ANKRD44: variants seen among roughly 807,000 people sequenced by gnomAD.
The protein encoded by ANKRD44 is ankyrin repeat domain 44.
Under a neutral mutation model 116.0 loss-of-function variants are expected in ANKRD44, and 35 were observed. The observed-to-expected ratio is 0.30, with a 90% CI of 0.23 to 0.40. The LOEUF (loss-of-function observed/expected upper bound fraction) is 0.40. Ranked by LOEUF, ANKRD44 falls within the 10% of genes least tolerant of loss-of-function variation. The probability of loss-of-function intolerance (pLI) is 1.00; values close to 1 mark genes in which losing one functional copy is unlikely to be tolerated. For missense variants in ANKRD44, 1,014 were observed against 1,242.6 expected (o/e 0.82, Z 2.77); for synonymous variants, 435 against 461.8 (o/e 0.94, Z 0.74).
chr2:197,131,890 C>T (rs1433717154), intron 4 of ANKRD44, among the ~76,000 whole-genome samples: 1 of 152,200 alleles, frequency 6.6e-6, no homozygotes, highest in Non-Finnish European at 1.5e-5. Flanking sequence ...TTCCTTTCCC[C>T]TACAGTTGCT....
At chr2:197,297,803 A>T (rs538664636) in intron 1 of ANKRD44, among the ~76,000 whole-genome samples, 39 of 152,364 alleles carry the variant, frequency 2.6e-4, no homozygotes, top group African/African-American at 7.2e-4. Context: ...AGAGCTACTT[A>T]AAAAGATTGT....
At chr2:197,231,556 G>A (rs929783477) in intron 1 of ANKRD44, among the ~76,000 whole-genome samples, 5 of 152,020 alleles carry the variant, frequency 3.3e-5, no homozygotes, top group Non-Finnish European at 5.9e-5. Context: ...AGTGCTTCTC[G>A]ACAGGGCAGT....
intron 17 of ANKRD44, among the ~76,000 whole-genome samples, chr2:197,013,952 T>G (rs2076342910): frequency 1.3e-5 from 2 of 152,232 alleles, no homozygotes; most frequent in Non-Finnish European, 2.9e-5. Context: ...TGTCACATAA[T>G]TTGCTCCAAA....
chr2:196,995,745 T>C (rs1338453710), intron 25 of ANKRD44, among the ~76,000 whole-genome samples: 2 of 152,190 alleles, frequency 1.3e-5, no homozygotes, highest in African/African-American at 4.8e-5. Flanking sequence ...GTAAAGCAGA[T>C]GCTAGTTCAG....
At chr2:197,220,244 C>T (rs114318712) in intron 1 of ANKRD44, among the ~76,000 whole-genome samples, 1,712 of 152,050 alleles carry the variant, frequency 0.011, 19 homozygotes, top group Middle Eastern at 0.051. Flanking sequence ...ACATTATATC[C>T]AATTTTCTCC....
Position 196,988,022 on chromosome 2 carries a change from T to G in ANKRD44, c.*1569A>C, listed in dbSNP as rs1574221802. The G allele has an allele frequency of 2.0e-6, 2 of 985,360 alleles. No individual in the cohort carries two copies. Among genetic ancestry groups the G allele is most frequent in the East Asian group, 2.3e-4 (2 of 8,806 alleles). The allele number at this position is 985,360 out of a possible 1,614,324, so 61.0% of individuals were successfully genotyped here. A position where few individuals can be genotyped will look rare whatever the true frequency, so the allele number is the denominator to read the frequency against. On this transcript the variant is annotated 3_prime_UTR_variant, in exon 28 of 28. Transcript: ENST00000282272. ...TCAGTTGATGTAATGAACAGTTCAT[T>G]GTGAGCATGATTTCATTTCGTTCCT...
chr2:197,304,388 G>T (rs1017842186), intron 1 of ANKRD44, among the ~76,000 whole-genome samples: 3 of 152,202 alleles, frequency 2.0e-5, no homozygotes, highest in African/African-American at 7.2e-5. Flanking sequence ...GTGGAGAATA[G>T]GAATTAGTCC....
intron 16 of ANKRD44, among the ~76,000 whole-genome samples, chr2:197,069,902 T>C (rs2077523344): frequency 6.6e-6 from 1 of 152,098 alleles, no homozygotes; most frequent in Non-Finnish European, 1.5e-5. Context: ...TTTTTTTTTT[T>C]TTAGATCTCT....
rs554397266 is a variant in ANKRD44 at position 196,999,872 on chromosome 2, C to A, written c.2519+547G>T. On this transcript the variant is annotated intron_variant, in intron 23 of 27. Transcript: ENST00000282272. ...CCTCCCAAAGTGCTGGGATTACAGG[C>A]GTGAGCCACTGTACCCTGCCCAGAC... Among the ~76,000 whole-genome samples the A allele has an allele frequency of 2.6e-5, 4 of 152,154 alleles. No individual in the cohort carries two copies. In the South Asian group the frequency reaches 8.3e-4, roughly 32 times the overall value.
At chr2:197,150,288 C>G (rs951288924) in intron 2 of ANKRD44, among the ~76,000 whole-genome samples, 6 of 151,978 alleles carry the variant, frequency 3.9e-5, no homozygotes, top group Admixed American at 1.3e-4. Context: ...GTGGCTCACA[C>G]CTGTAATCCC....
At chr2:197,202,865 A>G (rs2081124387) in intron 1 of ANKRD44, among the ~76,000 whole-genome samples, 1 of 149,628 alleles carries the variant, frequency 6.7e-6, no homozygotes, top group South Asian at 2.1e-4. Flanking sequence ...GGTGTGAGCC[A>G]CCACGCCTGG....
intron 2 of ANKRD44, among the ~76,000 whole-genome samples, chr2:197,150,217 G>A (rs1469371091): frequency 1.3e-5 from 2 of 152,056 alleles, no homozygotes; most frequent in African/African-American, 4.8e-5. Context: ...CAAAGAATTA[G>A]GTGTCCTGGC....
In ANKRD44 at chr2:197,110,748, C is replaced by T. The variant is rs750233313; in HGVS notation, c.985+18G>A. The T allele has an allele frequency of 1.9e-6, 3 of 1,603,266 alleles. No homozygotes were observed. Among genetic ancestry groups the T allele is most frequent in the South Asian group, 2.2e-5 (2 of 90,844 alleles). On this transcript the variant is annotated intron_variant, in intron 9 of 27. Coordinates refer to ENST00000282272, the MANE Select transcript of ANKRD44 (RefSeq NM_001195144.2). Reference sequence around the variant, plus strand: ...AGAAACTATCGAAATAATGACACTACTGAAGCATCTCTCTTACCATTCTGA... The same window carrying T: ...AGAAACTATCGAAATAATGACACTATTGAAGCATCTCTCTTACCATTCTGA...
At chr2:197,278,416 G>T (rs915220391) in intron 1 of ANKRD44, among the ~76,000 whole-genome samples, 1 of 152,018 alleles carries the variant, frequency 6.6e-6, no homozygotes, top group Admixed American at 6.5e-5. Flanking sequence ...GAGTGCAGTG[G>T]TGTGATCTCG....
intron 19 of ANKRD44, among the ~76,000 whole-genome samples, chr2:197,008,250 C>T (rs1175349025): frequency 6.6e-6 from 1 of 152,104 alleles, no homozygotes; most frequent in African/African-American, 2.4e-5. Flanking sequence ...TATGTGTATG[C>T]AGAAGCCCCT....
chr2:197,042,451 A>G (rs188101607), intron 16 of ANKRD44, among the ~76,000 whole-genome samples: 8 of 149,756 alleles, frequency 5.3e-5, no homozygotes, highest in African/African-American at 1.7e-4. Context: ...CTCAATTCCT[A>G]TTGCTTCCAA....
In ANKRD44 at chr2:197,276,389, C is replaced by T. The variant is rs1176590486; in HGVS notation, c.27+34189G>A. ...ATGACATTCATGATTAATGAGACAT[C>T]TCTATAACACACCTGTATTGCTCTA... On this transcript the variant is annotated intron_variant, in intron 1 of 27. Transcript: ENST00000282272. Among the ~76,000 whole-genome samples the T allele has an allele frequency of 2.6e-5, 4 of 151,390 alleles. No individual in the cohort carries two copies. The East Asian group carries it at 5.8e-4, about 22-fold the overall frequency.
intron 1 of ANKRD44, among the ~76,000 whole-genome samples, chr2:197,249,716 A>T (rs949058980): frequency 6.6e-5 from 10 of 152,258 alleles, no homozygotes; most frequent in African/African-American, 2.4e-4. Flanking sequence ...CTTTCATTAC[A>T]GCATTTATTT....
chr2:197,110,925 T>G lies in ANKRD44; in HGVS notation c.907-81A>C, dbSNP rs1017182997. On this transcript the variant is annotated intron_variant, in intron 8 of 27. Coordinates refer to ENST00000282272, the MANE Select transcript of ANKRD44 (RefSeq NM_001195144.2). ...CCATCTGAAATACCCCTATGGACAC[T>G]CCTAATAATGCCCTGAAAACATTCA... 4 of 911,596 alleles carry G rather than the reference T, an allele frequency of 4.4e-6. No homozygotes were observed. The African/African-American group carries it at 4.9e-5, about 11-fold the overall frequency. 56.5% of individuals were successfully genotyped at this position (911,596 alleles called of 1,614,324 possible). A position where few individuals can be genotyped will look rare whatever the true frequency, so the allele number is the denominator to read the frequency against.
Sources: allele counts gnomAD v4.1 joint callset (sites outside exome capture counted in the v4.1 genomes callset), GRCh38; gene constraint gnomAD v4.1.1; transcripts MANE v1.5; gene names NCBI Gene and HGNC (gene_info 2026-07-23, HGNC 2026-07-21).